Variants in RAB28 observed in about 807,000 individuals in gnomAD.
The protein encoded by RAB28 is RAB28, member RAS oncogene family.
Under a neutral mutation model 31.7 loss-of-function variants are expected in RAB28, and 24 were observed. The ratio of observed to expected loss-of-function variants is 0.76; its 90% CI spans 0.55 to 1.06. RAB28 has a LOEUF of 1.06. Ranked by LOEUF, RAB28 falls within the 50% of genes least tolerant of loss-of-function variation. The pLI is 0.00. For missense variants in RAB28, 254 were observed against 258.5 expected, an observed-to-expected ratio of 0.98 and a Z score of 0.12; for synonymous variants, 100 against 90.4, an observed-to-expected ratio of 1.11 and a Z score of -0.60.
intron 4 of RAB28, among the ~76,000 whole-genome samples, chr4:13,412,276 T>C (rs1346900881): frequency 6.6e-6 from 1 of 151,638 alleles, no homozygotes; most frequent in Non-Finnish European, 1.5e-5. Flanking sequence ...GGCGCAAGAG[T>C]TTCCCTAGAT....
intron 2 of RAB28, among the ~76,000 whole-genome samples, chr4:13,476,298 G>A (rs1716357528): frequency 6.6e-6 from 1 of 151,322 alleles, no homozygotes; most frequent in Non-Finnish European, 1.5e-5. Context: ...CATCTAAGAG[G>A]TTCATAGTCA....
intron 4 of RAB28, among the ~76,000 whole-genome samples, chr4:13,425,567 A>G (rs1194867508): frequency 2.0e-5 from 3 of 152,130 alleles, no homozygotes; most frequent in Admixed American, 1.3e-4. Context: ...ATACACACAC[A>G]TATGTACACA....
intron 4 of RAB28, among the ~76,000 whole-genome samples, chr4:13,452,616 AGTCAG>A (rs1192954805): frequency 6.6e-6 from 1 of 152,040 alleles, no homozygotes. Flanking sequence ...TATTCCATAT[AGTCAG>A]ATAAGATACT....
chr4:13,479,338 G>A (rs554420157), intron 2 of RAB28, 92 bp downstream of exon 2: 49 of 835,842 alleles, frequency 5.9e-5, no homozygotes, highest in Non-Finnish European at 8.3e-5. Context: ...TCATGTAGAA[G>A]CAGCCCCAAA....
At chr4:13,402,262 T>C (rs1197246874) in intron 4 of RAB28, among the ~76,000 whole-genome samples, 2 of 152,208 alleles carry the variant, frequency 1.3e-5, no homozygotes, top group Non-Finnish European at 2.9e-5. Context: ...CTGACCGATG[T>C]TGTTCATGCC....
chr4:13,371,778 A>G, intron 6 of RAB28: 1 of 1,546,380 alleles, frequency 6.5e-7, no homozygotes, highest in South Asian at 1.2e-5. Context: ...AGAAAATGTT[A>G]CCTATAAAAT....
intron 4 of RAB28, among the ~76,000 whole-genome samples, chr4:13,399,742 T>C (rs1237463068): frequency 1.3e-5 from 2 of 152,162 alleles, no homozygotes; most frequent in African/African-American, 4.8e-5. Context: ...TTTTATGTCC[T>C]TTTTTTAACG....
intron 3 of RAB28, among the ~76,000 whole-genome samples, chr4:13,464,442 G>A (rs9997869): frequency 0.017 from 2,551 of 152,176 alleles, 70 homozygotes; most frequent in African/African-American, 0.058. Context: ...ACTGGGAGGA[G>A]CAAAGAAACA....
chr4:13,474,117 T>C (rs1337966910), intron 3 of RAB28: 1 of 717,080 alleles, frequency 1.4e-6, no homozygotes, highest in Non-Finnish European at 2.6e-6. Context: ...AGAGTTTTCC[T>C]GTTCCCTCAC....
intron 2 of RAB28, among the ~76,000 whole-genome samples, chr4:13,476,165 T>A (rs940359098): frequency 2.0e-5 from 3 of 151,552 alleles, no homozygotes; most frequent in Non-Finnish European, 4.4e-5. Context: ...TCAGATCCTA[T>A]CTGAATTAGG....
intron 6 of RAB28, chr4:13,371,243 T>C: frequency 7.1e-6 from 7 of 985,378 alleles, no homozygotes; most frequent in Non-Finnish European, 7.2e-6. Flanking sequence ...TACTAGGCAC[T>C]CTGCCTGATG....
chr4:13,370,251 G>C, intron 6 of RAB28: 3 of 965,066 alleles, frequency 3.1e-6, no homozygotes, highest in Non-Finnish European at 3.7e-6. Context: ...TTCCCAAATT[G>C]TAAGTTCCAT....
At chr4:13,481,596 T>C (rs1361290011) in intron 1 of RAB28, among the ~76,000 whole-genome samples, 1 of 151,894 alleles carries the variant, frequency 6.6e-6, no homozygotes, top group Non-Finnish European at 1.5e-5. Flanking sequence ...CCATGCTACA[T>C]TTACAAACAC....
At chr4:13,370,022 A>C in intron 6 of RAB28, 1 of 1,567,020 alleles carries the variant, frequency 6.4e-7, no homozygotes, top group Non-Finnish European at 8.6e-7. Context: ...AAAAAAAAAG[A>C]CAAAATGGAA....
At chr4:13,397,837 T>A (rs1711517326) in intron 4 of RAB28, among the ~76,000 whole-genome samples, 1 of 152,166 alleles carries the variant, frequency 6.6e-6, no homozygotes. Flanking sequence ...TTTTGCATAT[T>A]GCTGCAAGGT....
At chr4:13,461,823 G>T (rs1349424472) in intron 3 of RAB28, among the ~76,000 whole-genome samples, 1 of 152,090 alleles carries the variant, frequency 6.6e-6, no homozygotes, top group African/African-American at 2.4e-5. Flanking sequence ...TTCTTAGGTT[G>T]TAACAGTAGT....
intron 1 of RAB28, among the ~76,000 whole-genome samples, chr4:13,483,426 T>C (rs1207218507): frequency 6.6e-6 from 1 of 152,082 alleles, no homozygotes; most frequent in African/African-American, 2.4e-5. Context: ...GAAACAGAGG[T>C]GATGAACAGG....
At chr4:13,473,907 C>A in intron 3 of RAB28, 1 of 352,140 alleles carries the variant, frequency 2.8e-6, no homozygotes, top group South Asian at 2.2e-5. Flanking sequence ...TGCACAAAAA[C>A]ATAGACATAT....
chr4:13,423,176 T>C (rs527790349), intron 4 of RAB28, among the ~76,000 whole-genome samples: 215 of 152,280 alleles, frequency 1.4e-3, no homozygotes, highest in Non-Finnish European at 1.4e-3. Flanking sequence ...CAGCAAACTG[T>C]AGTCTGTGGG....
Sources: allele counts gnomAD v4.1 joint callset (sites outside exome capture counted in the v4.1 genomes callset), GRCh38; gene constraint gnomAD v4.1.1; transcripts MANE v1.5; gene names NCBI Gene and HGNC (gene_info 2026-07-23, HGNC 2026-07-21).